Variants in C1orf54 observed in about 807,000 individuals in gnomAD.
C1orf54 encodes uncharacterized protein C1orf54.
In C1orf54, 12 loss-of-function variants were observed where a neutral mutation model predicts 14.7. The observed-to-expected ratio is 0.82, with a 90% CI of 0.52 to 1.32. C1orf54 has a LOEUF of 1.32. Among genes scored for constraint, C1orf54 ranks in the 40% most tolerant of loss-of-function variants. C1orf54 has a pLI of 0.00. For missense variants in C1orf54, 163 were observed against 162.2 expected (o/e 1.00, Z -0.03); for synonymous variants, 65 against 56.3 (o/e 1.16, Z -0.70).
chr1:150,278,639 T>G (rs983883110), intron 4 of C1orf54, among the ~76,000 whole-genome samples: 2 of 152,186 alleles, frequency 1.3e-5, no homozygotes, highest in Middle Eastern at 3.2e-3. Context: ...GATAGCCAAG[T>G]TTGTATTATA....
intron 3 of C1orf54, 66 bp from the exon 4 acceptor site, chr1:150,276,456 G>A: frequency 7.6e-7 from 1 of 1,320,994 alleles, no homozygotes; most frequent in Non-Finnish European, 1.1e-6. Context: ...TTTAAGTAGA[G>A]AATCTATGAA....
rs372637114 is a variant in C1orf54, at chr1:150,274,790, G to A, written c.130+620G>A. Among the ~76,000 whole-genome samples, 12 of 150,980 alleles carry A rather than the reference G, an allele frequency of 7.9e-5. No homozygotes were observed. In the East Asian group the frequency reaches 2.4e-3, roughly 30 times the overall value. On this transcript the variant is annotated intron_variant, in intron 2 of 5. Transcript: ENST00000369099. ...TAGCTGGGCATGGTGGCACCTGCCT[G>A]TAGTCCCAGTTATTCAGGAGGCTGA...
chr1:150,274,739 CCT>C (rs1322998013), intron 2 of C1orf54, among the ~76,000 whole-genome samples: 5 of 151,758 alleles, frequency 3.3e-5, no homozygotes, highest in African/African-American at 1.2e-4. Context: ...ATGGTGAAAC[CCT>C]GTCTCTACTA....
intron 2 of C1orf54, among the ~76,000 whole-genome samples, chr1:150,274,581 C>G (rs1315916724): frequency 2.4e-5 from 3 of 127,418 alleles, no homozygotes; most frequent in African/African-American, 9.2e-5. Context: ...GCCTGGGTGA[C>G]AGAGCAAGAC....
At position 150,274,173 on chromosome 1, in the gene C1orf54, G is replaced by A; in HGVS notation, c.130+3G>A. 6.2e-7 allele frequency: 1 copy of A among 1,602,354 alleles called. No individual in the cohort carries two copies. The highest frequency in any genetic ancestry group is 8.6e-7 in the Non-Finnish European group (1 of 1,169,422). On this transcript the variant is annotated splice_donor_region_variant and intron_variant, in intron 2 of 5. Coordinates refer to ENST00000369099, the MANE Select transcript of C1orf54 (RefSeq NM_024579.4). ...TTATACAGTCACCCCCAGTTATGGT[G>A]AGTACATGAAAGGCTCTTGCCCTTA...
At chr1:150,275,691 TAG>T in intron 2 of C1orf54, 48 bp from the exon 3 acceptor site, 1 of 1,440,882 alleles carries the variant, frequency 6.9e-7, no homozygotes, top group African/African-American at 1.4e-5. Context: ...TTTCCAGATC[TAG>T]AGTTACATTT....
At chr1:150,276,100 C>G (rs1652626123) in intron 3 of C1orf54, among the ~76,000 whole-genome samples, 1 of 151,388 alleles carries the variant, frequency 6.6e-6, no homozygotes. Flanking sequence ...GATCGTTCCA[C>G]TGCACTCCAG....
chr1:150,275,817 C>A lies in C1orf54; in HGVS notation c.189+18C>A. 6.3e-7 allele frequency: 1 copy of A among 1,595,796 alleles called. No individual in the cohort carries two copies. Among genetic ancestry groups the A allele is most frequent in the Non-Finnish European group, 8.6e-7 (1 of 1,163,798 alleles). ...ACAGGCTGGTGAGTGAACTCTACATCTAAAAGGGTTAGGATAAGTAACAAT... is the reference window on the plus strand; with the variant it reads ...ACAGGCTGGTGAGTGAACTCTACATATAAAAGGGTTAGGATAAGTAACAAT... On this transcript the variant is annotated intron_variant, in intron 3 of 5. Coordinates refer to ENST00000369099, the MANE Select transcript of C1orf54 (RefSeq NM_024579.4).
intron 5 of C1orf54, among the ~76,000 whole-genome samples, chr1:150,280,128 G>A (rs1033076045): frequency 4.6e-5 from 7 of 152,230 alleles, no homozygotes; most frequent in African/African-American, 1.2e-4. Flanking sequence ...GGGGGATGGG[G>A]TGGAAGGATC....
intron 4 of C1orf54, among the ~76,000 whole-genome samples, chr1:150,277,451 C>T (rs1448872896): frequency 2.4e-5 from 3 of 126,586 alleles, no homozygotes; most frequent in Non-Finnish European, 3.1e-5. Context: ...TGCAGTGAGC[C>T]GAGATCACGC....
rs1652636920 is a variant in C1orf54 at position 150,276,177 on chromosome 1, A to G, written c.190-345A>G. ...AAAAAGAAAAGAAAAGAAACTGGGC[A>G]ATGTTGAAATGTATCTGATTAACAA... is the stretch of plus-strand genomic sequence containing the variant. On this transcript the variant is annotated intron_variant, in intron 3 of 5. Transcript: ENST00000369099. 1.3e-5 allele frequency among the ~76,000 whole-genome samples: 2 copies of G among 152,110 alleles called. 1 individual carries two copies. Among genetic ancestry groups the G allele is most frequent in the South Asian group, 4.1e-4 (2 of 4,826 alleles).
Position 150,274,151 on chromosome 1 carries a change from T to A in C1orf54, c.111T>A (p.Tyr37Ter). The change falls in exon 2 of 6, where the codon TAT (tyrosine) becomes TAA (stop). Residue 37 changes from tyrosine (Y) to a stop codon, truncating the protein, a stop_gained. Transcript: ENST00000369099. LOFTEE classifies it high-confidence loss of function. ...AATATTATCAGGTGGTCTATTATTA[T>A]ACAGTCACCCCCAGTTATGGTGAGT... Reference protein sequence around the residue: ...EDEYYQVVYYYTVTPSYDDFS... With the variant: ...EDEYYQVVYY 1 of 1,611,238 alleles carries A rather than the reference T, an allele frequency of 6.2e-7. No individual in the cohort carries two copies. The highest frequency in any genetic ancestry group is 1.7e-5 in the Admixed American group (1 of 60,000).
At chr1:150,277,079 A>G (rs1652718238) in intron 4 of C1orf54, among the ~76,000 whole-genome samples, 1 of 152,236 alleles carries the variant, frequency 6.6e-6, no homozygotes, top group Non-Finnish European at 1.5e-5. Context: ...AGTACAGGCT[A>G]GAGTTGTCTG....
chr1:150,276,685 G>A (rs1018955749), intron 4 of C1orf54, 53 bp downstream of exon 4: 37 of 1,426,260 alleles, frequency 2.6e-5, no homozygotes, highest in South Asian at 4.6e-5. Context: ...CCCTAGTGAC[G>A]TGGAATACAT....
chr1:150,278,220 G>A lies in C1orf54; in HGVS notation c.301-1423G>A, dbSNP rs79068817. Among the ~76,000 whole-genome samples the A allele has an allele frequency of 8.5e-3, 1,295 of 152,328 alleles. 26 individuals are homozygous for A. Among genetic ancestry groups the A allele is most frequent in the African/African-American group, 0.03 (1,239 of 41,566 alleles). ...TCTGTACTCTGGCATTATGAATGGA[G>A]AGGAGAAAAATAAATATTATGAAGA... On this transcript the variant is annotated intron_variant, in intron 4 of 5. Transcript: ENST00000369099.
intron 4 of C1orf54, among the ~76,000 whole-genome samples, 183 bp downstream of exon 4, chr1:150,276,815 A>T (rs1553852619): frequency 1.3e-5 from 2 of 152,204 alleles, no homozygotes; most frequent in African/African-American, 4.8e-5. Context: ...CTGTTTACAG[A>T]ACACTGGGAA....
At position 150,279,738 on chromosome 1, in the gene C1orf54, G is replaced by A; in HGVS notation, c.396G>A (p.Ter132=). ...AFVQVGMYFM[*] is the part of the protein sequence containing the mutation. Reference sequence around the variant, plus strand: ...TTCAGGTGGGGATGTATTTCATGTAGAAGGTAAGAGTGCAGCCACTGGCTT... The same window carrying A: ...TTCAGGTGGGGATGTATTTCATGTAAAAGGTAAGAGTGCAGCCACTGGCTT... The change falls in exon 5 of 6, where the codon TAG becomes TAA. Residue 132 remains the stop codon, a stop_retained_variant. Coordinates refer to ENST00000369099, the MANE Select transcript of C1orf54 (RefSeq NM_024579.4). 1 of 1,610,102 alleles carries A rather than the reference G, an allele frequency of 6.2e-7. No individual in the cohort carries two copies. The highest frequency in any genetic ancestry group is 8.5e-7 in the Non-Finnish European group (1 of 1,177,566).
At chr1:150,273,960 G>GGAGA (rs142617444) in intron 1 of C1orf54, 127 bp from the exon 2 acceptor site, 7 of 650,118 alleles carry the variant, frequency 1.1e-5, no homozygotes, top group South Asian at 3.6e-5. Flanking sequence ...GACTATTGGA[G>GGAGA]GAGAGAGAGA....
intron 1 of C1orf54, among the ~76,000 whole-genome samples, chr1:150,273,804 C>T (rs1482245318): frequency 2.0e-5 from 3 of 152,056 alleles, no homozygotes; most frequent in African/African-American, 7.2e-5. Context: ...TCTGGTTCTC[C>T]CTTTGGGTTT....
Sources: allele counts gnomAD v4.1 joint callset (sites outside exome capture counted in the v4.1 genomes callset), GRCh38; gene constraint gnomAD v4.1.1; transcripts MANE v1.5; gene names NCBI Gene and HGNC (gene_info 2026-07-23, HGNC 2026-07-21).